The following RGS1 variants were observed in gnomAD, a reference collection of about 807,000 sequenced individuals.
The protein encoded by RGS1 is regulator of G protein signaling 1.
Under a neutral mutation model 22.2 loss-of-function variants are expected in RGS1, and 11 were observed. The observed-to-expected ratio is 0.50, with a 90% CI of 0.31 to 0.82. RGS1 has a LOEUF of 0.82. Ranked by LOEUF, RGS1 falls within the 40% of genes least tolerant of loss-of-function variation. The pLI, the probability that RGS1 is intolerant of heterozygous loss-of-function variation, is 0.04. For missense variants in RGS1, 255 were observed against 245.8 expected, an observed-to-expected ratio of 1.04 and a Z score of -0.25; for synonymous variants, 81 against 79.9, an observed-to-expected ratio of 1.01 and a Z score of -0.07.
rs139987236 is a variant in RGS1, at chr1:192,579,258, G to C, written c.566G>C (p.Arg189Thr). 1.2e-6 allele frequency: 2 copies of C among 1,612,946 alleles called. No individual in the cohort carries two copies. Among genetic ancestry groups the C allele is most frequent in the African/African-American group, 2.7e-5 (2 of 74,826 alleles). Residue 189 changes from arginine (R) to threonine (T), a missense_variant, in exon 5 of 5, where the codon AGG becomes ACG. Transcript: ENST00000367459. ...CTTATGGAAAAGGACTCTTATCCCA[G>C]GTTCCTCAAATCAGATATTTACTTA... The part of the protein sequence containing the change: ...YTLMEKDSYP[R>T]FLKSDIYLNL...
intron 2 of RGS1, 116 bp from the exon 3 acceptor site, chr1:192,576,658 T>C: frequency 3.4e-6 from 3 of 887,822 alleles, no homozygotes; most frequent in Non-Finnish European, 5.0e-6. Flanking sequence ...TTTTAACATA[T>C]TTATTAGAAC....
At chr1:192,577,961 C>T (rs568729423) in intron 3 of RGS1, 3 of 429,608 alleles carry the variant, frequency 7.0e-6, no homozygotes, top group East Asian at 7.9e-5. Context: ...AGAAGCAAAA[C>T]AGTTTGGTAG....
chr1:192,575,919 C>G lies in RGS1; in HGVS notation c.127C>G (p.Pro43Ala). ...LLDDKMQKRR[P>A]KTFGMDMKAY... ...AGACGACAAAATGCAAAAAAGGAGG[C>G]CAAAGACTTTGTAAGTTTGTTCAGA... Residue 43 changes from proline (P) to alanine (A), a missense_variant, in exon 1 of 5, where the codon CCA becomes GCA. Pro to Ala is a conservative substitution (Grantham distance 27, BLOSUM62 -1). Transcript: ENST00000367459. 1 of 1,612,808 alleles carries G rather than the reference C, an allele frequency of 6.2e-7. No homozygotes were observed. The highest frequency in any genetic ancestry group is 1.3e-5 in the African/African-American group (1 of 74,960).
At chr1:192,576,601 TC>T (rs1553253742) in intron 2 of RGS1, 172 bp from the exon 3 acceptor site, 1 of 688,010 alleles carries the variant, frequency 1.5e-6, no homozygotes. Flanking sequence ...GTTTTTTTTT[TC>T]ATAACTATAG....
intron 3 of RGS1, 59 bp downstream of exon 3, chr1:192,576,894 C>T (rs896700898): frequency 6.4e-6 from 9 of 1,412,386 alleles, no homozygotes; most frequent in Middle Eastern, 1.8e-4. Context: ...AATTGAATGG[C>T]TTCACTAAAT....
chr1:192,576,463 G>T (rs1466652782), intron 2 of RGS1, 98 bp downstream of exon 2: 1 of 838,386 alleles, frequency 1.2e-6, no homozygotes, highest in Non-Finnish European at 1.9e-6. Context: ...GCGCACAGTA[G>T]ACTTCATTTC....
Position 192,575,906 on chromosome 1 carries a change from G to T in RGS1, c.114G>T (p.Met38Ile). ...GTTHSLLDDK[M>I]QKRRPKTFGM... ...CTCATTCACTTCTAGACGACAAAAT[G>T]CAAAAAAGGAGGCCAAAGACTTTGT... Residue 38 changes from methionine to isoleucine, a missense_variant, in exon 1 of 5, where the codon ATG becomes ATT. Physicochemically the swap from Met to Ile is conservative, Grantham distance 10. Coordinates refer to ENST00000367459, the MANE Select transcript of RGS1 (RefSeq NM_002922.4). 6.2e-7 allele frequency: 1 copy of T among 1,612,502 alleles called. No homozygotes were observed. The highest frequency in any genetic ancestry group is 8.5e-7 in the Non-Finnish European group (1 of 1,179,118).
chr1:192,579,094 G>A (rs374150663), intron 4 of RGS1, 43 bp from the exon 5 acceptor site: 40 of 1,556,396 alleles, frequency 2.6e-5, no homozygotes, highest in Non-Finnish European at 3.4e-5. Context: ...AAAATTTGCA[G>A]TAAAGAAAAG....
chr1:192,576,274 G>A lies in RGS1; in HGVS notation c.138-11G>A, dbSNP rs1382027493. 9.6e-6 allele frequency: 15 copies of A among 1,564,482 alleles called. No individual in the cohort carries two copies. Among genetic ancestry groups the A allele is most frequent in the Non-Finnish European group, 1.3e-5 (15 of 1,140,058 alleles). On this transcript the variant is annotated splice_polypyrimidine_tract_variant and intron_variant, in intron 1 of 4. Transcript: ENST00000367459. ...AAGAAATATGAATATTCACTTTTAT[G>A]TCTTTTGTAGTGGAATGGATATGAA...
rs766595403 is a variant in RGS1, at chr1:192,578,332, T to C, written c.391T>C (p.Cys131Arg). The C allele has an allele frequency of 1.2e-6, 2 of 1,613,204 alleles. No individual in the cohort carries two copies. The highest frequency in any genetic ancestry group is 1.7e-4 in the Middle Eastern group (1 of 6,050). Residue 131 changes from cysteine to arginine, a missense_variant, in exon 4 of 5, where the codon TGT becomes CGT. Cys to Arg is a radical substitution (Grantham distance 180). Transcript: ENST00000367459. The part of the protein sequence containing the change: ...YKKTESDLLP[C>R]KAEEIYKAFV... ...GAAAACAGAGTCTGATCTTTTGCCCTGTAAAGCAGAAGAGATATATAAAGC... is the reference window on the plus strand; with the variant it reads ...GAAAACAGAGTCTGATCTTTTGCCCCGTAAAGCAGAAGAGATATATAAAGC...
rs1357289806 is a variant in RGS1 at position 192,576,824 on chromosome 1, T to C, written c.269T>C (p.Leu90Pro). 1 of 1,611,844 alleles carries C rather than the reference T, an allele frequency of 6.2e-7. No homozygotes were observed. Among genetic ancestry groups the C allele is most frequent in the South Asian group, 1.1e-5 (1 of 90,958 alleles). ...MQWSQSLEKL[L>P]ANQTGQNVFG... Reference sequence around the variant, plus strand: ...TGGTCTCAATCTCTGGAAAAACTTCTTGCCAACCAAAGTAAGTATAACTAT... The same window carrying C: ...TGGTCTCAATCTCTGGAAAAACTTCCTGCCAACCAAAGTAAGTATAACTAT... Residue 90 changes from leucine (L) to proline (P), a missense_variant, in exon 3 of 5, where the codon CTT (leucine) becomes CCT (proline). By Grantham distance (98) the Leu-to-Pro change is moderately conservative. Coordinates refer to ENST00000367459, the MANE Select transcript of RGS1 (RefSeq NM_002922.4).
rs1183240645 is a variant in RGS1, at chr1:192,578,278, G to T, written c.337G>T (p.Glu113Ter). ...LKSEFSEENI[E>*]FWLACEDYKK... is the part of the protein sequence containing the mutation. ...GTCTGAATTCAGTGAGGAGAATATT[G>T]AGTTCTGGCTGGCTTGTGAAGACTA... The change falls in exon 4 of 5, where the codon GAG becomes TAG. Residue 113 changes from glutamate (E) to a stop codon, truncating the protein, a stop_gained. Coordinates refer to ENST00000367459, the MANE Select transcript of RGS1 (RefSeq NM_002922.4). LOFTEE classifies it high-confidence loss of function. 2 of 1,526,810 alleles carry T rather than the reference G, an allele frequency of 1.3e-6. No individual in the cohort carries two copies. Among genetic ancestry groups the T allele is most frequent in the Non-Finnish European group, 1.8e-6 (2 of 1,126,142 alleles). 94.6% of individuals were successfully genotyped at this position (1,526,810 alleles called of 1,614,324 possible). A position where few individuals can be genotyped will look rare whatever the true frequency, so the allele number is the denominator to read the frequency against.
chr1:192,578,090 G>C, intron 3 of RGS1, 132 bp from the exon 4 acceptor site: 1 of 1,035,174 alleles, frequency 9.7e-7, no homozygotes, highest in Admixed American at 2.6e-5. Flanking sequence ...AGCTATTTCA[G>C]CAGTAGCTGT....
In RGS1 at chr1:192,576,849, T is replaced by C. The variant is rs377649065; in HGVS notation, c.280+14T>C. 7.1e-5 allele frequency: 114 copies of C among 1,607,378 alleles called. No individual in the cohort carries two copies. The highest frequency in any genetic ancestry group is 9.3e-5 in the Non-Finnish European group (109 of 1,175,288). ...TTGCCAACCAAAGTAAGTATAACTA[T>C]TGAATGTTTCTGGGTTCAGCTAAAT... On this transcript the variant is annotated intron_variant, in intron 3 of 4. Coordinates refer to ENST00000367459, the MANE Select transcript of RGS1 (RefSeq NM_002922.4).
At chr1:192,578,410 A>T in intron 4 of RGS1, 25 bp downstream of exon 4, 1 of 1,609,820 alleles carries the variant, frequency 6.2e-7, no homozygotes, top group Non-Finnish European at 8.5e-7. Flanking sequence ...TATCATCATC[A>T]GTTTCTCCAT....
At chr1:192,578,986 A>T in intron 4 of RGS1, 151 bp from the exon 5 acceptor site, 1 of 703,744 alleles carries the variant, frequency 1.4e-6, no homozygotes, top group Non-Finnish European at 2.4e-6. Context: ...CACCTAGTAT[A>T]GAGCTGATTT....
At chr1:192,576,743 G>C in intron 2 of RGS1, 31 bp from the exon 3 acceptor site, 1 of 1,583,770 alleles carries the variant, frequency 6.3e-7, no homozygotes. Context: ...TTTAAAAATT[G>C]ACTAATGTAT....
intron 2 of RGS1, 100 bp downstream of exon 2, chr1:192,576,465 C>T: frequency 1.2e-6 from 1 of 820,918 alleles, no homozygotes; most frequent in Admixed American, 2.6e-5. Flanking sequence ...GCACAGTAGA[C>T]TTCATTTCTT....
At chr1:192,576,926 T>C (rs1247317370) in intron 3 of RGS1, 91 bp downstream of exon 3, 3 of 1,117,688 alleles carry the variant, frequency 2.7e-6, no homozygotes, top group Non-Finnish European at 3.9e-6. Context: ...GGTAGGATAG[T>C]ATGCAAAAGG....
Sources: gnomAD v4.1 joint callset for allele counts on GRCh38, gnomAD v4.1.1 for gene constraint, MANE v1.5 for transcripts, NCBI Gene and HGNC (gene_info 2026-07-23, HGNC 2026-07-21) for gene names.